The following MIS18A variants were observed in gnomAD, a reference collection of about 807,000 sequenced individuals.
The protein encoded by MIS18A is MIS18 kinetochore protein A.
In MIS18A, 14 loss-of-function variants were observed where a neutral mutation model predicts 25.0. That is an observed-to-expected ratio of 0.56 (90% CI 0.37 to 0.88). MIS18A has a LOEUF of 0.88. Ranked by LOEUF, MIS18A falls within the 40% of genes least tolerant of loss-of-function variation. MIS18A has a pLI of 0.00. For missense variants in MIS18A, 292 were observed against 290.8 expected, an observed-to-expected ratio of 1.00 and a Z score of -0.03; for synonymous variants, 134 against 118.6, an observed-to-expected ratio of 1.13 and a Z score of -0.84.
At chr21:32,177,351 T>A in the MIS18A span, among the ~76,000 whole-genome samples, 30 of 152,274 alleles carry the variant, frequency 2.0e-4, no homozygotes, top group African/African-American at 7.2e-4. Flanking sequence ...TCAAATATGA[T>A]ACTGATGATG....
chr21:32,185,432 C>T, the MIS18A span, among the ~76,000 whole-genome samples: 1 of 152,260 alleles, frequency 6.6e-6, no homozygotes, highest in Admixed American at 6.5e-5. Context: ...GTGGTGCTCC[C>T]ATGGGGAGGT....
the MIS18A span, among the ~76,000 whole-genome samples, chr21:32,240,825 C>G: frequency 6.6e-6 from 1 of 151,998 alleles, no homozygotes; most frequent in Non-Finnish European, 1.5e-5. Flanking sequence ...CCTCCCTTCT[C>G]AGTGAACTCG....
At chr21:32,276,024 G>A (rs142779811) in intron 1 of MIS18A, among the ~76,000 whole-genome samples, 8 of 152,198 alleles carry the variant, frequency 5.3e-5, no homozygotes, top group Non-Finnish European at 1.0e-4. Context: ...CTACTCTTTA[G>A]AACAGACTAC....
At chr21:32,271,904 C>T (rs1427447498) in intron 2 of MIS18A, among the ~76,000 whole-genome samples, 1 of 152,220 alleles carries the variant, frequency 6.6e-6, no homozygotes, top group Non-Finnish European at 1.5e-5. Context: ...TATCTAATGT[C>T]ATCAGCCAAG....
chr21:32,217,682 CA>C, the MIS18A span, among the ~76,000 whole-genome samples: 2 of 152,042 alleles, frequency 1.3e-5, no homozygotes, highest in Non-Finnish European at 2.9e-5. Flanking sequence ...ATCCAACTGT[CA>C]AAAGATAAAA....
At chr21:32,249,755 C>T in the MIS18A span, among the ~76,000 whole-genome samples, 1,427 of 152,230 alleles carry the variant, frequency 9.4e-3, 29 homozygotes, top group African/African-American at 0.032. Context: ...ACCAGCTCTC[C>T]AGTGAACTAA....
At chr21:32,239,659 T>C in the MIS18A span, among the ~76,000 whole-genome samples, 3 of 152,092 alleles carry the variant, frequency 2.0e-5, no homozygotes, top group Non-Finnish European at 4.4e-5. Flanking sequence ...CTGTGAGCCA[T>C]AGGAGGCTTT....
chr21:32,262,818 T>C, the MIS18A span, among the ~76,000 whole-genome samples: 7 of 152,218 alleles, frequency 4.6e-5, no homozygotes, highest in Admixed American at 1.3e-4. Context: ...AGGCCAGTTC[T>C]ATTTGAAATC....
chr21:32,229,709 T>C, the MIS18A span, among the ~76,000 whole-genome samples: 1 of 152,234 alleles, frequency 6.6e-6, no homozygotes, highest in African/African-American at 2.4e-5. Flanking sequence ...TACATATTGG[T>C]CAATTCTTTG....
At chr21:32,256,754 A>C in the MIS18A span, among the ~76,000 whole-genome samples, 1 of 152,030 alleles carries the variant, frequency 6.6e-6, no homozygotes, top group Non-Finnish European at 1.5e-5. Context: ...GAGAATTCTG[A>C]CTTTATTACT....
chr21:32,199,396 T>G, the MIS18A span, among the ~76,000 whole-genome samples: 1 of 151,830 alleles, frequency 6.6e-6, no homozygotes, highest in Non-Finnish European at 1.5e-5. Flanking sequence ...TACACTTGGG[T>G]TGAAAAAAAT....
At chr21:32,163,704 C>A in the MIS18A span, among the ~76,000 whole-genome samples, 1 of 152,146 alleles carries the variant, frequency 6.6e-6, no homozygotes, top group Non-Finnish European at 1.5e-5. Context: ...TATTGCTTCC[C>A]AAAGGCTCTT....
the MIS18A span, among the ~76,000 whole-genome samples, chr21:32,212,910 T>G: frequency 6.6e-6 from 1 of 151,878 alleles, no homozygotes; most frequent in Admixed American, 6.6e-5. Context: ...CATGTGGAAC[T>G]GTGAGTCCAT....
chr21:32,195,164 G>T, the MIS18A span, among the ~76,000 whole-genome samples: 2 of 152,166 alleles, frequency 1.3e-5, no homozygotes, highest in African/African-American at 4.8e-5. Context: ...CATATGGCAG[G>T]CCTCATCATG....
the MIS18A span, among the ~76,000 whole-genome samples, chr21:32,160,922 C>A: frequency 3.9e-5 from 6 of 152,150 alleles, no homozygotes; most frequent in Non-Finnish European, 8.8e-5. Context: ...TGAGCCCCTG[C>A]GCCCGGCCAG....
the MIS18A span, among the ~76,000 whole-genome samples, chr21:32,193,772 G>A: frequency 6.6e-6 from 1 of 151,280 alleles, no homozygotes; most frequent in Admixed American, 6.6e-5. Context: ...TTTTTCTGAC[G>A]TTTTAATGTG....
chr21:32,265,792 T>C (rs1416403997), downstream of MIS18A, among the ~76,000 whole-genome samples: 1 of 152,268 alleles, frequency 6.6e-6, no homozygotes, highest in Admixed American at 6.5e-5. Context: ...CCAGCTGGGC[T>C]CCTGAGTCTG....
At chr21:32,259,519 A>G in the MIS18A span, among the ~76,000 whole-genome samples, 1 of 152,158 alleles carries the variant, frequency 6.6e-6, no homozygotes, top group African/African-American at 2.4e-5. Context: ...CTACTTCAGG[A>G]AGCAACCATT....
At chr21:32,269,479 A>C (rs1361283860) in intron 4 of MIS18A, 4 of 491,222 alleles carry the variant, frequency 8.1e-6, no homozygotes, top group Non-Finnish European at 1.4e-5. Flanking sequence ...GCAGTGTTTT[A>C]ATATATAGTT....
Sources: gnomAD v4.1 joint callset for allele counts (sites outside exome capture counted in the v4.1 genomes callset) on GRCh38, gnomAD v4.1.1 for gene constraint, MANE v1.5 for transcripts, NCBI Gene and HGNC (gene_info 2026-07-23, HGNC 2026-07-21) for gene names.